The following SSC5D variants were observed in gnomAD, a reference collection of about 807,000 sequenced individuals.
SSC5D encodes scavenger receptor cysteine rich family member with 5 domains.
Under a neutral mutation model 104.6 loss-of-function variants are expected in SSC5D, and 106 were observed. The ratio of observed to expected loss-of-function variants is 1.01; its 90% CI spans 0.87 to 1.19. The LOEUF is 1.19. Among genes scored for constraint, SSC5D ranks in the 50% most tolerant of loss-of-function variants. The pLI is 0.00. For synonymous variants in SSC5D, 860 were observed against 883.5 expected, an observed-to-expected ratio of 0.97 and a Z score of 0.47; for missense variants, 1,993 against 2,153.8, an observed-to-expected ratio of 0.93 and a Z score of 1.48.
intron 8 of SSC5D, 78 bp downstream of exon 8, chr19:55,494,861 G>A: frequency 7.0e-7 from 1 of 1,424,962 alleles, no homozygotes; most frequent in East Asian, 2.6e-5. Context: ...CTGTCTCATG[G>A]GGGGCCTCTT....
In SSC5D at chr19:55,500,244, A is replaced by G; in HGVS notation, c.2134A>G (p.Thr712Ala). ...GGCCCCCCGAGAACGGACCACTAAG[A>G]CCATGGCAATGCTGACCACTCAAGG... ...PQAPRERTTK[T>A]MAMLTTQGPQ... The change falls in exon 10 of 14, where the codon ACC (threonine) becomes GCC (alanine). Residue 712 changes from threonine (T) to alanine (A), a missense_variant. Around this residue, in one of 6 missense-constraint regions of SSC5D, gnomAD observed 1,101 missense variants for 1,085.0 expected, o/e 1.01. Coordinates refer to ENST00000389623, the MANE Select transcript of SSC5D (RefSeq NM_001144950.2). This position sits in a 1 kb window ranked among gnomAD's most constrained non-coding sequence, Gnocchi z 4.6. The G allele has an allele frequency of 1.3e-6, 2 of 1,551,234 alleles. No homozygotes were observed. The highest frequency in any genetic ancestry group is 1.7e-6 in the Non-Finnish European group (2 of 1,146,920).
At position 55,491,540 on chromosome 19, in the gene SSC5D, G is replaced by A. The variant is rs1172340123; in HGVS notation, c.895+460G>A. 7.7e-5 allele frequency: 12 copies of A among 155,428 alleles called. No individual in the cohort carries two copies. In the South Asian group the frequency reaches 2.1e-3, roughly 27 times the overall value. 9.6% of individuals were successfully genotyped at this position (155,428 alleles called of 1,614,324 possible). Reference sequence around the variant, plus strand: ...CCTCAAGGGAGCTGGTGGGAAGGAGGGAGGGAGGGCGGTGACTTGGGGGCA... The same window carrying A: ...CCTCAAGGGAGCTGGTGGGAAGGAGAGAGGGAGGGCGGTGACTTGGGGGCA... On this transcript the variant is annotated intron_variant, in intron 6 of 13. Coordinates refer to ENST00000389623, the MANE Select transcript of SSC5D (RefSeq NM_001144950.2).
At chr19:55,509,654 C>T (rs1024803085) in intron 12 of SSC5D, among the ~76,000 whole-genome samples, 4 of 150,296 alleles carry the variant, frequency 2.7e-5, no homozygotes, top group East Asian at 1.9e-4. Context: ...GCCAGGAGTT[C>T]GAGACCAGCC....
At chr19:55,502,918 T>C (rs531051569) in intron 12 of SSC5D, among the ~76,000 whole-genome samples, 21 of 152,006 alleles carry the variant, frequency 1.4e-4, no homozygotes, top group Non-Finnish European at 2.9e-4. Context: ...CGGGTTCAAG[T>C]GATTCTCCTG....
intron 8 of SSC5D, among the ~76,000 whole-genome samples, chr19:55,495,223 A>ATATG (rs1346732565): frequency 0.016 from 316 of 19,364 alleles, 14 homozygotes; most frequent in African/African-American, 0.049. Flanking sequence ...TTTCATATAT[A>ATATG]TATATATATA....
chr19:55,517,295 C>G lies in SSC5D; in HGVS notation c.3019C>G (p.Pro1007Ala). The change falls in exon 14 of 14, where the codon CCG becomes GCG. Residue 1007 changes from proline to alanine, a missense_variant. Pro to Ala is a conservative substitution (Grantham distance 27). This residue lies in a region of SSC5D where 423 missense variants were observed against 409.2 expected (regional missense o/e 1.03). Transcript: ENST00000389623. ...PAATRTAPPTPSPGPSASPGP... is the reference protein window; with the variant it reads ...PAATRTAPPTASPGPSASPGP... ...TGCGACCAGGACAGCGCCCCCAACC[C>G]CGTCCCCAGGTCCCTCCGCCTCTCC... 1.3e-6 allele frequency: 2 copies of G among 1,548,868 alleles called. No individual in the cohort carries two copies. The highest frequency in any genetic ancestry group is 1.7e-6 in the Non-Finnish European group (2 of 1,146,800).
In SSC5D at chr19:55,490,338, G is replaced by A. The variant is rs1261535420; in HGVS notation, c.516G>A (p.Lys172=). ...PAGNPQNASR[K]KSPRPKQAKS... ...GGAACCCCCAGAACGCCTCCCGGAAGAAGAGCCCCCGGCCCAAGCAGGCCA... is the reference window on the plus strand; with the variant it reads ...GGAACCCCCAGAACGCCTCCCGGAAAAAGAGCCCCCGGCCCAAGCAGGCCA... The change falls in exon 5 of 14, where the codon AAG becomes AAA. Residue 172 remains lysine (K), a synonymous_variant. Coordinates refer to ENST00000389623, the MANE Select transcript of SSC5D (RefSeq NM_001144950.2). 1 of 1,506,398 alleles carries A rather than the reference G, an allele frequency of 6.6e-7. No individual in the cohort carries two copies. 93.3% of individuals were successfully genotyped at this position (1,506,398 alleles called of 1,614,324 possible).
At position 55,503,969 on chromosome 19, in the gene SSC5D, GTAA is replaced by G. The variant is rs1987578580; in HGVS notation, c.2785+2774_2785+2776del. ...TTGGCCAGCCGGCGCATCGCCCGCA[GTAA>G]TAATAGCTGGGCGAAGGGCAACCAG... On this transcript the variant is annotated intron_variant, in intron 12 of 13. Transcript: ENST00000389623. This position sits in a 1 kb window ranked among gnomAD's most constrained non-coding sequence, Gnocchi z 4.0. 3 of 756,184 alleles carry G rather than the reference GTAA, an allele frequency of 4.0e-6. No individual in the cohort carries two copies. The highest frequency in any genetic ancestry group is 6.1e-6 in the Non-Finnish European group (3 of 492,600). The allele number at this position is 756,184 out of a possible 1,614,324, so 46.8% of individuals were successfully genotyped here.
At position 55,518,651 on chromosome 19, in the gene SSC5D, C is replaced by T; in HGVS notation, c.4375C>T (p.Leu1459=). 6.5e-7 allele frequency: 1 copy of T among 1,540,298 alleles called. No individual in the cohort carries two copies. The highest frequency in any genetic ancestry group is 8.8e-7 in the Non-Finnish European group (1 of 1,141,878). The change falls in exon 14 of 14, where the codon CTA becomes TTA. Residue 1459 remains leucine (L), a synonymous_variant. Transcript: ENST00000389623. ...LDHPPLDPLT[L]GPTPGQSPGP... ...TCATCCTCCCCTTGACCCCCTCACC[C>T]TAGGGCCAACTCCTGGTCAGAGCCC...
Position 55,489,490 on chromosome 19 carries a change from C to A in SSC5D, c.189C>A (p.Cys63Ter). Residue 63 changes from cysteine (C) to a stop codon, truncating the protein, a stop_gained, in exon 3 of 14, where the codon TGC becomes TGA. Transcript: ENST00000389623. LOFTEE classifies it high-confidence loss of function. ...DAAVACRQLG[C>*]GGALAAPGGA... ...CCGTGGCCTGCCGGCAGCTGGGCTG[C>A]GGAGGGGCACTGGCCGCCCCGGGAG... 1 of 1,471,766 alleles carries A rather than the reference C, an allele frequency of 6.8e-7. No homozygotes were observed. The highest frequency in any genetic ancestry group is 8.9e-7 in the Non-Finnish European group (1 of 1,118,472). The allele number at this position is 1,471,766 out of a possible 1,614,324, so 91.2% of individuals were successfully genotyped here.
In SSC5D at chr19:55,517,649, C is replaced by A. The variant is rs1987903444; in HGVS notation, c.3373C>A (p.Pro1125Thr). 1.3e-6 allele frequency: 2 copies of A among 1,551,618 alleles called. No individual in the cohort carries two copies. Among genetic ancestry groups the A allele is most frequent in the Non-Finnish European group, 1.7e-6 (2 of 1,147,022 alleles). Reference sequence around the variant, plus strand: ...GCAGGTCCCAGAATCTGACACAACCCCAGATTTGGACACAACTCCATACTC... The same window carrying A: ...GCAGGTCCCAGAATCTGACACAACCACAGATTTGGACACAACTCCATACTC... Reference protein sequence around the residue: ...SEQVPESDTTPDLDTTPYSST... With the variant: ...SEQVPESDTTTDLDTTPYSST... Residue 1125 changes from proline to threonine, a missense_variant, in exon 14 of 14, where the codon CCA (proline) becomes ACA (threonine). By Grantham distance (38) the Pro-to-Thr change is conservative. This residue lies in a region of SSC5D where 423 missense variants were observed against 409.2 expected (regional missense o/e 1.03). Coordinates refer to ENST00000389623, the MANE Select transcript of SSC5D (RefSeq NM_001144950.2).
chr19:55,503,156 G>A lies in SSC5D; in HGVS notation c.2785+1955G>A, dbSNP rs1300842293. ...GGTTCTCACTATGTTGCCCAGGCTG[G>A]TCTCAAACTCTTGGGCTCAAGTCAT... On this transcript the variant is annotated intron_variant, in intron 12 of 13. Transcript: ENST00000389623. This position sits in a 1 kb window ranked among gnomAD's most constrained non-coding sequence, Gnocchi z 4.0. Among the ~76,000 whole-genome samples, 1 of 152,038 alleles carries A rather than the reference G, an allele frequency of 6.6e-6. No homozygotes were observed. The highest frequency in any genetic ancestry group is 2.4e-5 in the African/African-American group (1 of 41,382).
At chr19:55,490,482 C>T (rs1448831491) in intron 5 of SSC5D, 74 bp downstream of exon 5, 3 of 624,376 alleles carry the variant, frequency 4.8e-6, no homozygotes, top group Admixed American at 3.3e-5. Flanking sequence ...AACTGAGGAC[C>T]TGCGGGCGCC....
chr19:55,495,234 T>TATATATATATATATATATATATATATATA (rs56232242), intron 8 of SSC5D, among the ~76,000 whole-genome samples: 8 of 22,240 alleles, frequency 3.6e-4, no homozygotes, highest in African/African-American at 5.7e-4. Flanking sequence ...TATATATATA[T>TATATATATATATATATATATATATATATA]TTTTTTTTTT....
In SSC5D at chr19:55,514,473, C is replaced by A. The variant is rs187802811; in HGVS notation, c.2947+1301C>A. 3.4e-3 allele frequency among the ~76,000 whole-genome samples: 492 copies of A among 146,482 alleles called. 12 individuals carry two copies. Among genetic ancestry groups the A allele is most frequent in the African/African-American group, 0.011 (445 of 39,882 alleles). ...TAATAATAATAGGTGTGGTGGCAGG[C>A]GCCTGTAATCCCAGCTACTCGGGAG... On this transcript the variant is annotated intron_variant, in intron 13 of 13. Coordinates refer to ENST00000389623, the MANE Select transcript of SSC5D (RefSeq NM_001144950.2).
chr19:55,498,165 C>A lies in SSC5D; in HGVS notation c.1673C>A (p.Ala558Asp). The change falls in exon 9 of 14, where the codon GCT becomes GAT. Residue 558 changes from alanine to aspartate, a missense_variant. This residue lies in a region of SSC5D where 1,101 missense variants were observed against 1,085.0 expected (regional missense o/e 1.01). Transcript: ENST00000389623. ...GCTCCCTGGGGAAAGCACAACTGCG[C>A]TCACAATGAGGATGTTGGGGTCACC... ...PAAPWGKHNC[A>D]HNEDVGVTCT... 1 of 1,551,740 alleles carries A rather than the reference C, an allele frequency of 6.4e-7. No homozygotes were observed. The highest frequency in any genetic ancestry group is 1.2e-5 in the South Asian group (1 of 84,062).
chr19:55,500,403 G>A lies in SSC5D; in HGVS notation c.2293G>A (p.Gly765Arg). 1 of 1,550,468 alleles carries A rather than the reference G, an allele frequency of 6.4e-7. No individual in the cohort carries two copies. The highest frequency in any genetic ancestry group is 8.7e-7 in the Non-Finnish European group (1 of 1,146,224). Residue 765 changes from glycine (G) to arginine (R), a missense_variant, in exon 10 of 14, where the codon GGG becomes AGG. Gly to Arg is a moderately radical substitution (Grantham distance 125). Around this residue, in one of 6 missense-constraint regions of SSC5D, gnomAD observed 1,101 missense variants for 1,085.0 expected, o/e 1.01. Transcript: ENST00000389623. This position sits in a 1 kb window ranked among gnomAD's most constrained non-coding sequence, Gnocchi z 4.6. ...CCCCTCTCCCAGTGTTAGCACCACT[G>A]GGGAATCAGGTGAGTGGCCGTGAGG... is the stretch of plus-strand genomic sequence containing the variant. ...PAPSPSVSTT[G>R]ESGLFRVRLA...
rs541945141 is a variant in SSC5D, at chr19:55,490,956, A to T, written c.771A>T (p.Ala257=). 3.1e-4 allele frequency: 478 copies of T among 1,545,706 alleles called. No individual in the cohort carries two copies. Among genetic ancestry groups the T allele is most frequent in the Non-Finnish European group, 4.0e-4 (462 of 1,144,588 alleles). Residue 257 remains alanine (A), a synonymous_variant, in exon 6 of 14, where the codon GCA becomes GCT. Transcript: ENST00000389623. ...APGGARFGPG[A]GPVWMDDVGC... ...GCGGTGCCAGATTCGGGCCTGGTGC[A>T]GGGCCCGTGTGGATGGACGATGTGG...
intron 13 of SSC5D, among the ~76,000 whole-genome samples, chr19:55,516,865 C>T (rs1319711391): frequency 6.6e-6 from 1 of 152,124 alleles, no homozygotes; most frequent in Non-Finnish European, 1.5e-5. Flanking sequence ...GGCTCAGAAT[C>T]CTCCCGTATG....
Sources: gnomAD v4.1 joint callset for allele counts (sites outside exome capture counted in the v4.1 genomes callset) on GRCh38, gnomAD v4.1.1 for gene constraint, gnomAD v4.1.1 regional missense constraint, Gnocchi (gnomAD v3.1) non-coding constraint, MANE v1.5 for transcripts, NCBI Gene and HGNC (gene_info 2026-07-23, HGNC 2026-07-21) for gene names.